MAPK9: variants seen among roughly 807,000 people sequenced by gnomAD.
The protein encoded by MAPK9 is mitogen-activated protein kinase 9.
In MAPK9, 30 loss-of-function variants were observed where a neutral mutation model predicts 57.1. The ratio of observed to expected loss-of-function variants is 0.53; its 90% confidence interval spans 0.39 to 0.71. The LOEUF (loss-of-function observed/expected upper bound fraction) is 0.71, where lower values mean the gene tolerates loss of function less well. Among genes scored for constraint, MAPK9 ranks in the 30% least tolerant of loss-of-function variants. The pLI, the probability that MAPK9 is intolerant of heterozygous loss-of-function variation, is 0.00. For missense variants in MAPK9, 362 were observed against 521.0 expected, an observed-to-expected ratio of 0.69 and a Z score of 2.97; for synonymous variants, 155 against 177.0, an observed-to-expected ratio of 0.88 and a Z score of 0.99.
rs1326597561 is a variant in MAPK9 at position 180,236,167 on chromosome 5, T to C, written c.*217A>G. 1 of 411,652 alleles carries C rather than the reference T, an allele frequency of 2.4e-6. No homozygotes were observed. Among genetic ancestry groups the C allele is most frequent in the African/African-American group, 2.0e-5 (1 of 49,328 alleles). 25.5% of individuals were successfully genotyped at this position (411,652 alleles called of 1,614,324 possible). A position where few individuals can be genotyped will look rare whatever the true frequency, so the allele number is the denominator to read the frequency against. On this transcript the variant is annotated 3_prime_UTR_variant, in exon 12 of 12. Coordinates refer to ENST00000452135, the MANE Select transcript of MAPK9 (RefSeq NM_002752.5). The stretch of plus-strand genomic sequence containing the variant: ...ACCTGAAATGATCTTGAACAAAATC[T>C]CTAGAAGTGTGGCTTGCAATTTTTT...
At chr5:180,287,279 C>T (rs528830518) in intron 1 of MAPK9, among the ~76,000 whole-genome samples, 3 of 152,272 alleles carry the variant, frequency 2.0e-5, no homozygotes, top group African/African-American at 7.2e-5. Flanking sequence ...TGCTCCGATG[C>T]CCAATGTCCT....
chr5:180,243,247 C>A (rs1273056701), intron 7 of MAPK9, among the ~76,000 whole-genome samples: 1 of 152,178 alleles, frequency 6.6e-6, no homozygotes, highest in Non-Finnish European at 1.5e-5. Context: ...CTGAGCCCAG[C>A]GACAGCTTTC....
intron 8 of MAPK9, among the ~76,000 whole-genome samples, chr5:180,241,574 C>T (rs921799037): frequency 6.6e-5 from 10 of 152,254 alleles, no homozygotes; most frequent in African/African-American, 1.2e-4. Context: ...GCTGGGATTA[C>T]AGGCGTGAGC....
At chr5:180,248,946 G>A (rs1448547240) in intron 6 of MAPK9, 27 bp downstream of exon 6, 1 of 1,571,868 alleles carries the variant, frequency 6.4e-7, no homozygotes, top group Non-Finnish European at 8.6e-7. Flanking sequence ...AAACATCCCA[G>A]CCTCTTCCAG....
chr5:180,258,921 C>T (rs967424909), intron 5 of MAPK9, among the ~76,000 whole-genome samples: 23 of 149,836 alleles, frequency 1.5e-4, no homozygotes, highest in Admixed American at 1.1e-3. Context: ...GTAATCCCAG[C>T]TACTTGGGAG....
At chr5:180,275,122 T>C (rs36052878) in intron 2 of MAPK9, among the ~76,000 whole-genome samples, 1,680 of 152,288 alleles carry the variant, frequency 0.011, 27 homozygotes, top group African/African-American at 0.038. Context: ...TATGGATCTG[T>C]TTCTTTTGTC....
chr5:180,267,515 T>C (rs1475217277), intron 3 of MAPK9, among the ~76,000 whole-genome samples: 4 of 135,090 alleles, frequency 3.0e-5, no homozygotes, highest in Non-Finnish European at 6.1e-5. Context: ...TGAGCTGAGA[T>C]CGCGCCACTG....
At chr5:180,236,888 G>A (rs1161237342) in intron 11 of MAPK9, 1 of 159,046 alleles carries the variant, frequency 6.3e-6, no homozygotes, top group Non-Finnish European at 1.4e-5. Context: ...AAAAGCTTAA[G>A]CCTGACTAGG....
chr5:180,251,112 C>T (rs915414052), intron 5 of MAPK9, among the ~76,000 whole-genome samples: 2 of 152,108 alleles, frequency 1.3e-5, no homozygotes, highest in African/African-American at 2.4e-5. Context: ...CACTTGGCAG[C>T]GATGGAAAGC....
chr5:180,258,862 TAA>T (rs531705510), intron 5 of MAPK9, among the ~76,000 whole-genome samples: 11 of 96,032 alleles, frequency 1.1e-4, no homozygotes, highest in East Asian at 3.0e-4. Flanking sequence ...CTGTCTCTAC[TAA>T]AAAAAAAAAA....
rs35806840 is a variant in MAPK9, at chr5:180,243,856, T to C, written c.689-1101A>G. Among the ~76,000 whole-genome samples the C allele has an allele frequency of 8.7e-3, 1,328 of 152,282 alleles. 24 individuals are homozygous for C. Among genetic ancestry groups the C allele is most frequent in the East Asian group, 0.064 (329 of 5,172 alleles). ...ACCTTTTCCTTCTGCCATATATACA[T>C]ATATAAATAAAGACAGAGTCTCGCT... is the stretch of plus-strand genomic sequence containing the variant. On this transcript the variant is annotated intron_variant, in intron 7 of 11. Coordinates refer to ENST00000452135, the MANE Select transcript of MAPK9 (RefSeq NM_002752.5).
intron 2 of MAPK9, among the ~76,000 whole-genome samples, chr5:180,272,398 C>T (rs1341122185): frequency 1.3e-5 from 2 of 152,184 alleles, no homozygotes; most frequent in South Asian, 4.1e-4. Context: ...GGCTTATGCC[C>T]GATACTGTAC....
chr5:180,251,641 A>C (rs1320192476), intron 5 of MAPK9, among the ~76,000 whole-genome samples: 1 of 152,126 alleles, frequency 6.6e-6, no homozygotes, highest in Non-Finnish European at 1.5e-5. Context: ...ACCTCACTTC[A>C]ATTTCAAGAC....
chr5:180,260,617 T>C (rs1406673240), intron 5 of MAPK9, among the ~76,000 whole-genome samples: 3 of 152,206 alleles, frequency 2.0e-5, no homozygotes, highest in Admixed American at 6.5e-5. Flanking sequence ...ATGAATCCAA[T>C]AGGTAGTGTG....
chr5:180,265,560 G>A (rs1244308761), intron 3 of MAPK9, among the ~76,000 whole-genome samples: 1 of 152,106 alleles, frequency 6.6e-6, no homozygotes, highest in South Asian at 2.1e-4. Flanking sequence ...CCTCCCTTTC[G>A]TCTTCCGCCA....
In MAPK9 at chr5:180,267,289, C is replaced by T. The variant is rs75153524; in HGVS notation, c.252+1991G>A. On this transcript the variant is annotated intron_variant, in intron 3 of 11. Transcript: ENST00000452135. ...TAAGTAAGTAAAACAAGTCCGGGTG[C>T]GGTGGCTCACGCCTGTAATCCCAGC... is the stretch of plus-strand genomic sequence containing the variant. Among the ~76,000 whole-genome samples, 1,238 of 152,004 alleles carry T rather than the reference C, an allele frequency of 8.1e-3. 11 individuals are homozygous for T. The highest frequency in any genetic ancestry group is 0.014 in the African/African-American group (569 of 41,488).
At chr5:180,240,027 C>T in intron 9 of MAPK9, 40 bp from the exon 10 acceptor site, 1 of 1,462,704 alleles carries the variant, frequency 6.8e-7, no homozygotes, top group Non-Finnish European at 9.4e-7. Context: ...AGTAATGCCT[C>T]AAAAAAAAAT....
intron 1 of MAPK9, among the ~76,000 whole-genome samples, chr5:180,285,249 G>A (rs992681447): frequency 1.3e-5 from 2 of 152,194 alleles, no homozygotes; most frequent in African/African-American, 4.8e-5. Context: ...GTCCAGTAAG[G>A]AAGTTGTCCA....
chr5:180,267,478 C>T lies in MAPK9; in HGVS notation c.252+1802G>A, dbSNP rs183074373. On this transcript the variant is annotated intron_variant, in intron 3 of 11. Coordinates refer to ENST00000452135, the MANE Select transcript of MAPK9 (RefSeq NM_002752.5). ...TCGGGAGGCTGAGGCAGGAGAATGG[C>T]GTGAACCTGGGAGGCGGAGCTTGCA... 1.4e-3 allele frequency among the ~76,000 whole-genome samples: 195 copies of T among 144,430 alleles called. 1 individual carries two copies. In the South Asian group the frequency reaches 0.014, roughly 10 times the overall value. The allele number at this position is 144,430 out of a possible 152,430, so 94.8% of individuals were successfully genotyped here. A position where few individuals can be genotyped will look rare whatever the true frequency, so the allele number is the denominator to read the frequency against.
Sources: gnomAD v4.1 joint callset for allele counts (sites outside exome capture counted in the v4.1 genomes callset) on GRCh38, gnomAD v4.1.1 for gene constraint, MANE v1.5 for transcripts, NCBI Gene and HGNC (gene_info 2026-07-23, HGNC 2026-07-21) for gene names.